SMCO2: variants seen among roughly 807,000 people sequenced by gnomAD.
SMCO2 encodes single-pass membrane protein with coiled-coil domains 2, also known as single-pass membrane and coiled-coil domain-containing protein 2.
SMCO2 carries 25 observed loss-of-function variants against 29.5 expected under a neutral mutation model. That is an observed-to-expected ratio of 0.85 (90% CI 0.62 to 1.18). The LOEUF (loss-of-function observed/expected upper bound fraction) is 1.18. Ranked by LOEUF, SMCO2 falls within the 50% of genes most tolerant of loss-of-function variation. The probability of loss-of-function intolerance (pLI) is 0.00; values close to 1 mark genes in which losing one functional copy is unlikely to be tolerated. For missense variants in SMCO2, 348 were observed against 344.5 expected, an observed-to-expected ratio of 1.01 and a Z score of -0.08; for synonymous variants, 117 against 123.3, an observed-to-expected ratio of 0.95 and a Z score of 0.34.
the SMCO2 span, among the ~76,000 whole-genome samples, chr12:27,457,650 A>G: frequency 6.6e-6 from 1 of 152,222 alleles, no homozygotes; most frequent in Non-Finnish European, 1.5e-5. Flanking sequence ...GTGTGGGCTC[A>G]AGTCTTTGCA....
the SMCO2 span, among the ~76,000 whole-genome samples, chr12:27,433,969 C>T: frequency 6.6e-6 from 1 of 152,152 alleles, no homozygotes; most frequent in Non-Finnish European, 1.5e-5. Flanking sequence ...GCGGTGGTGC[C>T]ATCTCAGCTC....
At chr12:27,462,651 T>C (rs1337395081), upstream of SMCO2, among the ~76,000 whole-genome samples, 3 of 152,220 alleles carry the variant, frequency 2.0e-5, no homozygotes, top group Admixed American at 6.5e-5. Context: ...TATTCAGTAG[T>C]GTGCAGATAT....
chr12:27,482,325 C>T (rs1165585197), intron 4 of SMCO2, among the ~76,000 whole-genome samples: 17 of 152,252 alleles, frequency 1.1e-4, no homozygotes, highest in Admixed American at 5.9e-4. Context: ...GATGGAGTCT[C>T]GCTTCATCTC....
chr12:27,444,696 A>G, the SMCO2 span, among the ~76,000 whole-genome samples: 1 of 152,242 alleles, frequency 6.6e-6, no homozygotes, highest in Non-Finnish European at 1.5e-5. Context: ...ACAGAGGCCT[A>G]CAAGGACGTG....
At chr12:27,488,104 A>G (rs1377797615) in intron 4 of SMCO2, among the ~76,000 whole-genome samples, 1 of 151,980 alleles carries the variant, frequency 6.6e-6, no homozygotes, top group African/African-American at 2.4e-5. Flanking sequence ...TCAATTATCA[A>G]TTTTCCCTCT....
chr12:27,453,094 G>A, the SMCO2 span, among the ~76,000 whole-genome samples: 1 of 152,160 alleles, frequency 6.6e-6, no homozygotes, highest in Admixed American at 6.5e-5. Context: ...GGAGACATCT[G>A]TAGATTGGCC....
At chr12:27,448,177 C>T in the SMCO2 span, among the ~76,000 whole-genome samples, 2 of 152,208 alleles carry the variant, frequency 1.3e-5, no homozygotes, top group Non-Finnish European at 2.9e-5. Flanking sequence ...CACTTACTAG[C>T]TGTAGGACCT....
At chr12:27,480,451 G>A (rs1949632521) in intron 4 of SMCO2, among the ~76,000 whole-genome samples, 1 of 152,176 alleles carries the variant, frequency 6.6e-6, no homozygotes, top group Non-Finnish European at 1.5e-5. Flanking sequence ...ATCCAGTCAA[G>A]TTGACATCTA....
At chr12:27,460,701 C>T in the SMCO2 span, among the ~76,000 whole-genome samples, 1 of 152,042 alleles carries the variant, frequency 6.6e-6, no homozygotes, top group Non-Finnish European at 1.5e-5. Context: ...TTTTCAAAAA[C>T]CCTCATATAA....
upstream of SMCO2, among the ~76,000 whole-genome samples, chr12:27,461,960 T>C (rs575890538): frequency 6.6e-6 from 1 of 152,388 alleles, no homozygotes; most frequent in African/African-American, 2.4e-5. Flanking sequence ...AAACCATTAT[T>C]TGCAGTCAGC....
upstream of SMCO2, among the ~76,000 whole-genome samples, chr12:27,465,756 G>T (rs1220218059): frequency 6.6e-6 from 1 of 152,176 alleles, no homozygotes; most frequent in Non-Finnish European, 1.5e-5. Context: ...CAATTTTTCA[G>T]ACAAAGAGAT....
At chr12:27,474,830 A>G in exon 4 of SMCO2, 2 of 1,551,720 alleles carry the variant, frequency 1.3e-6, no homozygotes, top group South Asian at 1.2e-5. Context: ...ACCTGAGTAA[A>G]CAGGATAAGC....
At chr12:27,449,279 G>A in the SMCO2 span, among the ~76,000 whole-genome samples, 1 of 152,176 alleles carries the variant, frequency 6.6e-6, no homozygotes, top group African/African-American at 2.4e-5. Flanking sequence ...TACTTGCTCT[G>A]ATCTTTGCAT....
chr12:27,501,993 T>C (rs1565685603), exon 8 of SMCO2: 1 of 1,547,786 alleles, frequency 6.5e-7, no homozygotes, highest in Non-Finnish European at 8.7e-7. Flanking sequence ...TTACATACTA[T>C]TTTTTGGTGC....
upstream of SMCO2, among the ~76,000 whole-genome samples, chr12:27,464,283 C>T (rs1949479849): frequency 6.6e-6 from 1 of 152,168 alleles, no homozygotes; most frequent in Admixed American, 6.5e-5. Flanking sequence ...TGGCCTTGAT[C>T]AGTGCAGTAA....
At chr12:27,475,292 A>G (rs1262803048) in intron 4 of SMCO2, among the ~76,000 whole-genome samples, 1 of 152,122 alleles carries the variant, frequency 6.6e-6, no homozygotes, top group Non-Finnish European at 1.5e-5. Flanking sequence ...TGTAACCACT[A>G]TCTTAATATC....
the SMCO2 span, among the ~76,000 whole-genome samples, chr12:27,455,228 C>G: frequency 3.0e-3 from 462 of 152,262 alleles, 3 homozygotes; most frequent in African/African-American, 0.01. Context: ...TTGGGAGAAG[C>G]ACTCCAAGTA....
chr12:27,428,939 A>G, the SMCO2 span, among the ~76,000 whole-genome samples: 1 of 152,026 alleles, frequency 6.6e-6, no homozygotes. Flanking sequence ...CAATCACCCA[A>G]AAGGCTTCCC....
At chr12:27,481,202 G>A (rs1949639982) in intron 4 of SMCO2, among the ~76,000 whole-genome samples, 1 of 152,212 alleles carries the variant, frequency 6.6e-6, no homozygotes, top group Non-Finnish European at 1.5e-5. Flanking sequence ...TCTCAAAATG[G>A]TGCCGTGCTG....
Sources: gnomAD v4.1 joint callset for allele counts (sites outside exome capture counted in the v4.1 genomes callset) on GRCh38, gnomAD v4.1.1 for gene constraint, MANE v1.5 for transcripts, NCBI Gene and HGNC (gene_info 2026-07-23, HGNC 2026-07-21) for gene names.